Variants in EVC2 observed in about 807,000 individuals in gnomAD.
The protein encoded by EVC2 is EvC ciliary complex subunit 2.
A neutral mutation model predicts 149.3 loss-of-function variants in EVC2; 148 were observed. The observed-to-expected ratio is 0.99, with a 90% CI of 0.87 to 1.14. EVC2 has a LOEUF of 1.14. EVC2 is among the 50% of genes most tolerant of loss of function. The probability of loss-of-function intolerance (pLI) is 0.00; values close to 1 mark genes in which losing one functional copy is unlikely to be tolerated. For missense variants in EVC2, 1,854 were observed against 1,627.3 expected, an observed-to-expected ratio of 1.14 and a Z score of -2.40; for synonymous variants, 776 against 649.9, an observed-to-expected ratio of 1.19 and a Z score of -2.95.
At chr4:5,592,848 C>A (rs77647368) in intron 16 of EVC2, among the ~76,000 whole-genome samples, 2 of 152,116 alleles carry the variant, frequency 1.3e-5, no homozygotes, top group East Asian at 3.9e-4. Context: ...GGAAGAAACA[C>A]GGGAGAAGGG....
chr4:5,640,672 A>G lies in EVC2; in HGVS notation c.1312T>C (p.Leu438=). 2 of 1,614,126 alleles carry G rather than the reference A, an allele frequency of 1.2e-6. No individual in the cohort carries two copies. The highest frequency in any genetic ancestry group is 1.7e-6 in the Non-Finnish European group (2 of 1,180,024). Reference sequence around the variant, plus strand: ...TCCTCTTGTATTTCATTTTCCAGCAATAGAAACTGCTTTTTGAAAACAGCA... The same window carrying G: ...TCCTCTTGTATTTCATTTTCCAGCAGTAGAAACTGCTTTTTGAAAACAGCA... The part of the protein sequence containing the change: ...MSAVFKKQFL[L]LENEIQEEYD... Residue 438 remains leucine (L), a synonymous_variant, in exon 10 of 22, where the codon TTG becomes CTG. Coordinates refer to ENST00000344408, the MANE Select transcript of EVC2 (RefSeq NM_147127.5). The surrounding 1 kb of genome is among the most constrained non-coding windows in gnomAD (Gnocchi z 4.6).
At chr4:5,641,211 T>C (rs997996297) in intron 9 of EVC2, among the ~76,000 whole-genome samples, 2 of 152,188 alleles carry the variant, frequency 1.3e-5, no homozygotes, top group Admixed American at 6.5e-5. Context: ...TTTATGGACA[T>C]GACTAGTACA....
At chr4:5,641,625 C>T (rs923248483) in intron 9 of EVC2, among the ~76,000 whole-genome samples, 2 of 152,020 alleles carry the variant, frequency 1.3e-5, no homozygotes, top group African/African-American at 4.8e-5. Context: ...GTTAATCATA[C>T]CTCTATAAAG....
the EVC2 span, among the ~76,000 whole-genome samples, chr4:5,535,631 G>GAC: frequency 4.2e-4 from 64 of 150,802 alleles, no homozygotes; most frequent in East Asian, 8.8e-3. This position sits in a 1 kb window ranked among gnomAD's most constrained non-coding sequence, Gnocchi z 4.7. Flanking sequence ...GAGAGAGAGA[G>GAC]AGAAAGAGAT....
chr4:5,610,157 A>C (rs1714702011), intron 16 of EVC2, among the ~76,000 whole-genome samples: 1 of 152,234 alleles, frequency 6.6e-6, no homozygotes, highest in African/African-American at 2.4e-5. Flanking sequence ...CTTAGCTCTC[A>C]GTACACCTCA....
chr4:5,645,043 G>C (rs1266051624), intron 9 of EVC2, among the ~76,000 whole-genome samples: 1 of 152,152 alleles, frequency 6.6e-6, no homozygotes, highest in Non-Finnish European at 1.5e-5. Context: ...CATATACCCA[G>C]TAGTGGAATG....
chr4:5,619,756 G>C (rs1715542589), intron 14 of EVC2, among the ~76,000 whole-genome samples: 1 of 152,164 alleles, frequency 6.6e-6, no homozygotes, highest in African/African-American at 2.4e-5. Context: ...TGGAGAGAAT[G>C]GCCATACAAT....
chr4:5,578,744 T>A (rs2108781371), intron 17 of EVC2, among the ~76,000 whole-genome samples: 1 of 151,208 alleles, frequency 6.6e-6, no homozygotes, highest in Admixed American at 6.6e-5. Context: ...GATTCAGGGG[T>A]GAATGAGACA....
chr4:5,673,621 T>C (rs539929419), intron 7 of EVC2, among the ~76,000 whole-genome samples: 4 of 152,192 alleles, frequency 2.6e-5, no homozygotes, highest in African/African-American at 4.8e-5. Context: ...TCATCCACGA[T>C]TACCACCCTT....
Position 5,677,843 on chromosome 4 carries a change from G to C in EVC2, c.870+3417C>G, listed in dbSNP as rs1720094968. ...GAGCTCACAGACCACCAGAAGACTG[G>C]TTACCAGTGCACCCGACAGCCTCAC... On this transcript the variant is annotated intron_variant, in intron 7 of 21. Transcript: ENST00000344408. The surrounding 1 kb of genome is among the most constrained non-coding windows in gnomAD (Gnocchi z 4.3). Among the ~76,000 whole-genome samples, 1 of 152,190 alleles carries C rather than the reference G, an allele frequency of 6.6e-6. No individual in the cohort carries two copies. Among genetic ancestry groups the C allele is most frequent in the African/African-American group, 2.4e-5 (1 of 41,462 alleles).
chr4:5,610,794 C>CT lies in EVC2; in HGVS notation c.2829+4627dup, dbSNP rs10690279. Among the ~76,000 whole-genome samples, 1,058 of 126,452 alleles carry CT rather than the reference C, an allele frequency of 8.4e-3. 15 individuals carry two copies. Among genetic ancestry groups the CT allele is most frequent in the Admixed American group, 0.012 (150 of 12,138 alleles). The allele number at this position is 126,452 out of a possible 152,430, so 83.0% of individuals were successfully genotyped here. On this transcript the variant is annotated intron_variant, in intron 16 of 21. Transcript: ENST00000344408. Reference sequence around the variant, plus strand: ...TTATGTCTTGCTCCTTTTTCCTTTTCTTTTTTTTTTTTTTTTTGCCAAATG... The same window carrying CT: ...TTATGTCTTGCTCCTTTTTCCTTTTCTTTTTTTTTTTTTTTTTTGCCAAATG...
intron 16 of EVC2, among the ~76,000 whole-genome samples, chr4:5,586,025 C>G (rs570598905): frequency 4.9e-4 from 74 of 152,064 alleles, no homozygotes; most frequent in Non-Finnish European, 7.4e-4. Context: ...CCACACCCAG[C>G]TAATTTTTGT....
Position 5,665,629 on chromosome 4 carries a change from G to C in EVC2, c.891C>G (p.Leu297=). 1.2e-6 allele frequency: 2 copies of C among 1,614,206 alleles called. No homozygotes were observed. The highest frequency in any genetic ancestry group is 1.7e-6 in the Non-Finnish European group (2 of 1,180,040). The stretch of plus-strand genomic sequence containing the variant: ...AGGCAATGAAGAACCCTGCTGCGTG[G>C]AGGCCGTGGTGCGGCAGAACCTGTG... The part of the protein sequence containing the change: ...ENVTVLPHHG[L]HAAGFFIAFL... The change falls in exon 8 of 22, where the codon CTC becomes CTG. Residue 297 remains leucine (L), a synonymous_variant. Transcript: ENST00000344408.
intron 21 of EVC2, among the ~76,000 whole-genome samples, chr4:5,547,231 C>G (rs533439717): frequency 6.6e-6 from 1 of 152,264 alleles, no homozygotes. Context: ...GCCAGCCCCC[C>G]ACTGCCTCAG....
intron 10 of EVC2, among the ~76,000 whole-genome samples, chr4:5,632,746 G>A (rs1577184821): frequency 6.6e-6 from 1 of 152,114 alleles, no homozygotes; most frequent in Non-Finnish European, 1.5e-5. Flanking sequence ...ATGAAAGGAA[G>A]CTCACCTCTA....
In EVC2 at chr4:5,611,438, TTTAA is replaced by T. The variant is rs568643193; in HGVS notation, c.2829+3980_2829+3983del. ...ATATTAGTACAGTGTACTAAGCCTA[TTTAA>T]TTATACAAAGAGCCCTCTTTTATAC... is the stretch of plus-strand genomic sequence containing the variant. On this transcript the variant is annotated intron_variant, in intron 16 of 21. Coordinates refer to ENST00000344408, the MANE Select transcript of EVC2 (RefSeq NM_147127.5). 4.8e-3 allele frequency among the ~76,000 whole-genome samples: 724 copies of T among 152,290 alleles called. 7 individuals are homozygous for T. The highest frequency in any genetic ancestry group is 5.5e-3 in the Non-Finnish European group (374 of 68,024).
intron 16 of EVC2, among the ~76,000 whole-genome samples, chr4:5,610,486 C>T (rs1178607383): frequency 6.6e-6 from 1 of 152,222 alleles, no homozygotes; most frequent in Non-Finnish European, 1.5e-5. Flanking sequence ...TCCTCCAGTG[C>T]TGGAGCAGAT....
chr4:5,536,258 C>A, the EVC2 span, among the ~76,000 whole-genome samples: 607 of 152,184 alleles, frequency 4.0e-3, 5 homozygotes, highest in African/African-American at 0.014. Flanking sequence ...TATATCAGAA[C>A]CTAGTGCCCC....
At chr4:5,630,847 G>A (rs374861156) in intron 11 of EVC2, among the ~76,000 whole-genome samples, 40 of 152,236 alleles carry the variant, frequency 2.6e-4, no homozygotes, top group East Asian at 1.5e-3. Flanking sequence ...ATTGACAGTC[G>A]GAATAGAAAA....
Sources: gnomAD v4.1 joint callset for allele counts (sites outside exome capture counted in the v4.1 genomes callset) on GRCh38, gnomAD v4.1.1 for gene constraint, Gnocchi (gnomAD v3.1) non-coding constraint, MANE v1.5 for transcripts, NCBI Gene and HGNC (gene_info 2026-07-23, HGNC 2026-07-21) for gene names.